The following WDHD1 variants were observed in gnomAD, a reference collection of about 807,000 sequenced individuals.
The protein encoded by WDHD1 is WD repeat and HMG-box DNA-binding protein 1.
WDHD1 carries 111 observed loss-of-function variants against 135.4 expected under a neutral mutation model. That is an observed-to-expected ratio of 0.82 (90% CI 0.70 to 0.96). WDHD1 has a LOEUF of 0.96. WDHD1 is among the 40% of genes least tolerant of loss of function. The probability of loss-of-function intolerance (pLI) is 0.00; values close to 1 mark genes in which losing one functional copy is unlikely to be tolerated. For missense variants in WDHD1, 1,351 were observed against 1,336.3 expected (o/e 1.01, Z -0.17); for synonymous variants, 434 against 439.0 (o/e 0.99, Z 0.14).
chr14:54,954,239 T>A (rs1414996515), intron 24 of WDHD1, among the ~76,000 whole-genome samples: 1 of 152,042 alleles, frequency 6.6e-6, no homozygotes, highest in Non-Finnish European at 1.5e-5. Context: ...TGAGCCAAGA[T>A]CGTGCCAATG....
intron 18 of WDHD1, 23 bp downstream of exon 18, chr14:54,966,452 T>C (rs553564810): frequency 6.3e-7 from 1 of 1,584,842 alleles, no homozygotes; most frequent in Non-Finnish European, 8.5e-7. Context: ...CTTTAACGTT[T>C]TCAGTATATT....
intron 24 of WDHD1, among the ~76,000 whole-genome samples, chr14:54,946,377 T>C (rs558341420): frequency 6.6e-6 from 1 of 152,314 alleles, no homozygotes; most frequent in African/African-American, 2.4e-5. Context: ...ATTAAGTATA[T>C]CAACATCTGT....
intron 24 of WDHD1, 144 bp from the exon 25 acceptor site, chr14:54,944,614 TAC>T (rs2040890844): frequency 1.5e-6 from 1 of 660,296 alleles, no homozygotes. Context: ...TAATTCATGT[TAC>T]TTTTTTTTTT....
intron 21 of WDHD1, 145 bp downstream of exon 21, chr14:54,962,353 A>T (rs910511000): frequency 1.4e-6 from 1 of 692,202 alleles, no homozygotes; most frequent in Admixed American, 2.8e-5. Flanking sequence ...CTTCACAAAC[A>T]ACATCTGAGA....
Position 54,963,038 on chromosome 14 carries a change from C to G in WDHD1, c.2445G>C (p.Leu815=), listed in dbSNP as rs1480840573. ...KLILAQKLSE[L]AVEKAAELTA... Reference sequence around the variant, plus strand: ...TCAATTCGGCTGCCTTCTCTACAGCCAGTTCACTTAGTTTTTGAGCCAGTA... The same window carrying G: ...TCAATTCGGCTGCCTTCTCTACAGCGAGTTCACTTAGTTTTTGAGCCAGTA... The change falls in exon 19 of 26, where the codon CTG becomes CTC. Residue 815 remains leucine, a synonymous_variant. Transcript: ENST00000360586. 6.2e-7 allele frequency: 1 copy of G among 1,613,882 alleles called. No homozygotes were observed. The highest frequency in any genetic ancestry group is 2.2e-5 in the East Asian group (1 of 44,854).
intron 7 of WDHD1, chr14:55,005,042 CT>C: frequency 3.7e-6 from 2 of 546,022 alleles, no homozygotes; most frequent in Non-Finnish European, 7.2e-6. Flanking sequence ...TGGTCACAGC[CT>C]TTTCAGCAGC....
At chr14:54,944,517 T>A (rs59565763) in intron 24 of WDHD1, 47 bp from the exon 25 acceptor site, 20 of 1,507,194 alleles carry the variant, frequency 1.3e-5, no homozygotes, top group Non-Finnish European at 1.7e-5. Flanking sequence ...AGACAGAGTT[T>A]AAAGTGCCTC....
chr14:55,013,245 A>T (rs2042202912), intron 3 of WDHD1, among the ~76,000 whole-genome samples: 1 of 149,978 alleles, frequency 6.7e-6, no homozygotes, highest in African/African-American at 2.5e-5. Flanking sequence ...TGGCATTATC[A>T]TGCATTTTAA....
rs2140196958 is a variant in WDHD1 at position 54,987,190 on chromosome 14, G to A, written c.1724C>T (p.Ser575Leu). The A allele has an allele frequency of 6.2e-7, 1 of 1,614,048 alleles. No individual in the cohort carries two copies. Among genetic ancestry groups the A allele is most frequent in the East Asian group, 2.2e-5 (1 of 44,876 alleles). The change falls in exon 14 of 26, where the codon TCA becomes TTA. Residue 575 changes from serine (S) to leucine (L), a missense_variant. Ser to Leu is a moderately radical substitution (Grantham distance 145, BLOSUM62 -2). Around this residue, in one of 2 missense-constraint regions of WDHD1, gnomAD observed 1,330 missense variants for 1,296.1 expected, o/e 1.03. Coordinates refer to ENST00000360586, the MANE Select transcript of WDHD1 (RefSeq NM_007086.4). ...EVFSLAGPVV[S>L]MAGHGEQLFI... ...AAGCTGTTCTCCATGTCCTGCCATTGACACCACAGGTCCAGCAAGGCTGAA... is the reference window on the plus strand; with the variant it reads ...AAGCTGTTCTCCATGTCCTGCCATTAACACCACAGGTCCAGCAAGGCTGAA...
At chr14:55,007,118 C>T (rs1415375312) in intron 7 of WDHD1, among the ~76,000 whole-genome samples, 162 bp downstream of exon 7, 1 of 151,468 alleles carries the variant, frequency 6.6e-6, no homozygotes, top group Non-Finnish European at 1.5e-5. Flanking sequence ...ATCCCAGCTA[C>T]TCGGGAGGCT....
At chr14:54,956,654 G>T (rs2041163817) in intron 23 of WDHD1, among the ~76,000 whole-genome samples, 1 of 152,194 alleles carries the variant, frequency 6.6e-6, no homozygotes, top group South Asian at 2.1e-4. Flanking sequence ...AAAAGACAGG[G>T]GGAGCAGGAT....
intron 11 of WDHD1, among the ~76,000 whole-genome samples, chr14:54,994,697 G>A (rs2041848359): frequency 6.6e-6 from 1 of 150,560 alleles, no homozygotes; most frequent in Admixed American, 6.6e-5. Context: ...GGAGGCGGAG[G>A]TTGCAGTGAG....
intron 25 of WDHD1, among the ~76,000 whole-genome samples, chr14:54,943,842 T>TAA (rs530532264): frequency 5.1e-5 from 7 of 136,312 alleles, no homozygotes; most frequent in Non-Finnish European, 6.4e-5. Flanking sequence ...GTTGTCTCTA[T>TAA]AAAAAAAAAA....
At chr14:54,963,454 T>C (rs2041289504) in intron 18 of WDHD1, among the ~76,000 whole-genome samples, 1 of 152,094 alleles carries the variant, frequency 6.6e-6, no homozygotes, top group Non-Finnish European at 1.5e-5. Context: ...TTTGATGAAA[T>C]ATTACATACC....
intron 25 of WDHD1, among the ~76,000 whole-genome samples, chr14:54,943,102 C>T (rs2040864397): frequency 6.6e-6 from 1 of 152,224 alleles, no homozygotes; most frequent in Non-Finnish European, 1.5e-5. Flanking sequence ...GTGCTGCGCC[C>T]TGCCATTCCT....
At chr14:54,978,742 G>A (rs2041568034) in intron 16 of WDHD1, among the ~76,000 whole-genome samples, 1 of 152,152 alleles carries the variant, frequency 6.6e-6, no homozygotes, top group African/African-American at 2.4e-5. Context: ...TGCATCCTCT[G>A]AGACTATATG....
chr14:54,992,320 G>A (rs1205108547), intron 11 of WDHD1, among the ~76,000 whole-genome samples: 3 of 151,760 alleles, frequency 2.0e-5, no homozygotes, highest in Non-Finnish European at 4.4e-5. Context: ...GTGAAACCCC[G>A]TCTCTACTAA....
chr14:54,946,828 G>C (rs540985076), intron 24 of WDHD1, among the ~76,000 whole-genome samples: 33 of 152,264 alleles, frequency 2.2e-4, no homozygotes, highest in Non-Finnish European at 4.3e-4. Context: ...CAAATCGCTT[G>C]AGGCCAAGAG....
At position 54,962,868 on chromosome 14, in the gene WDHD1, T is replaced by C; in HGVS notation, c.2532-15A>G. ...TATTGCTGTAACTAAGAGAAAATAATATTATTCAATAAAGAGCTATGCAAA... is the reference window on the plus strand; with the variant it reads ...TATTGCTGTAACTAAGAGAAAATAACATTATTCAATAAAGAGCTATGCAAA... On this transcript the variant is annotated splice_polypyrimidine_tract_variant and intron_variant, in intron 19 of 25. Transcript: ENST00000360586. 1 of 1,611,226 alleles carries C rather than the reference T, an allele frequency of 6.2e-7. No homozygotes were observed. Among genetic ancestry groups the C allele is most frequent in the Non-Finnish European group, 8.5e-7 (1 of 1,179,562 alleles).
Sources: gnomAD v4.1 joint callset for allele counts (sites outside exome capture counted in the v4.1 genomes callset) on GRCh38, gnomAD v4.1.1 for gene constraint, gnomAD v4.1.1 regional missense constraint, MANE v1.5 for transcripts, NCBI Gene and HGNC (gene_info 2026-07-23, HGNC 2026-07-21) for gene names.